Variants in ARID1B observed in about 807,000 individuals in gnomAD.
ARID1B encodes the protein AT-rich interaction domain 1B.
Under a neutral mutation model 212.3 loss-of-function variants are expected in ARID1B, and 30 were observed. That is an observed-to-expected ratio of 0.14 (90% CI 0.11 to 0.19). ARID1B has a LOEUF of 0.19. Among genes scored for constraint, ARID1B ranks in the 10% least tolerant of loss-of-function variants. The probability of loss-of-function intolerance (pLI) is 1.00; values close to 1 mark genes in which losing one functional copy is unlikely to be tolerated. For synonymous variants in ARID1B, 1,402 were observed against 1,301.7 expected, an observed-to-expected ratio of 1.08 and a Z score of -1.66; for missense variants, 2,891 against 3,204.0, an observed-to-expected ratio of 0.90 and a Z score of 2.36.
intron 4 of ARID1B, among the ~76,000 whole-genome samples, chr6:157,079,468 A>G (rs1016647034): frequency 1.3e-5 from 2 of 152,224 alleles, no homozygotes; most frequent in African/African-American, 4.8e-5. Context: ...TTCAAGGTGT[A>G]TTCATATCAC....
In ARID1B at chr6:157,148,595, G is replaced by C. The variant is rs189499250; in HGVS notation, c.2762-29G>C. The stretch of plus-strand genomic sequence containing the variant: ...ATGTTGTCACAAGTTTAAATAAAAG[G>C]CTTTACTTTGTGTTTGCTTTTTGTT... On this transcript the variant is annotated intron_variant, in intron 7 of 19. Coordinates refer to ENST00000636930, the MANE Select transcript of ARID1B (RefSeq NM_001374828.1). This position sits in a 1 kb window ranked among gnomAD's most constrained non-coding sequence, Gnocchi z 5.6. The C allele has an allele frequency of 1.2e-3, 1,847 of 1,567,592 alleles. 35 individuals are homozygous for C. The African/African-American group carries it at 0.023, about 20-fold the overall frequency.
At chr6:156,848,277 G>T (rs1402893597) in intron 2 of ARID1B, among the ~76,000 whole-genome samples, 3 of 152,150 alleles carry the variant, frequency 2.0e-5, no homozygotes, top group African/African-American at 7.2e-5. Context: ...TGTATGTGTG[G>T]CCCAGTGCCA....
At chr6:156,894,384 A>G (rs1788221950) in intron 2 of ARID1B, among the ~76,000 whole-genome samples, 1 of 152,002 alleles carries the variant, frequency 6.6e-6, no homozygotes, top group Non-Finnish European at 1.5e-5. Flanking sequence ...ATGAAATCCT[A>G]TAAAAGGATG....
intron 4 of ARID1B, among the ~76,000 whole-genome samples, chr6:157,046,381 T>C (rs1782247014): frequency 6.6e-6 from 1 of 152,182 alleles, no homozygotes; most frequent in African/African-American, 2.4e-5. Flanking sequence ...TGTCTGGCTT[T>C]GGATTAAATA....
intron 17 of ARID1B, among the ~76,000 whole-genome samples, chr6:157,199,553 C>G (rs916743964): frequency 1.1e-4 from 16 of 149,830 alleles, no homozygotes; most frequent in East Asian, 5.8e-4. Flanking sequence ...AGAACTCTTG[C>G]AAAAAATAAA....
intron 5 of ARID1B, among the ~76,000 whole-genome samples, chr6:157,090,326 G>C (rs890332487): frequency 2.0e-5 from 3 of 152,160 alleles, no homozygotes; most frequent in Non-Finnish European, 4.4e-5. Flanking sequence ...AAGCTCATCT[G>C]TTTTATTAAT....
intron 3 of ARID1B, among the ~76,000 whole-genome samples, chr6:156,910,879 A>T (rs781603911): frequency 1.3e-5 from 2 of 152,246 alleles, no homozygotes; most frequent in African/African-American, 2.4e-5. Flanking sequence ...CTTTTAAAAT[A>T]AAGTTCTTAG....
At chr6:157,039,629 C>T (rs1443147738) in intron 4 of ARID1B, among the ~76,000 whole-genome samples, 1 of 124,334 alleles carries the variant, frequency 8.0e-6, no homozygotes, top group Non-Finnish European at 1.7e-5. Flanking sequence ...TTCCTTCCTT[C>T]CTTCCTTCCT....
intron 3 of ARID1B, among the ~76,000 whole-genome samples, chr6:156,929,050 C>G (rs1219599286): frequency 6.6e-6 from 1 of 152,184 alleles, no homozygotes; most frequent in African/African-American, 2.4e-5. Context: ...TTCAGTTACT[C>G]CAGCCTAGTG....
chr6:157,106,770 G>A (rs755437239), intron 5 of ARID1B, among the ~76,000 whole-genome samples: 2 of 152,180 alleles, frequency 1.3e-5, no homozygotes, highest in Non-Finnish European at 2.9e-5. Context: ...GAGGTTACTC[G>A]AGGGTGTGTC....
chr6:156,816,445 TG>T (rs1781968287), intron 1 of ARID1B, among the ~76,000 whole-genome samples: 1 of 152,186 alleles, frequency 6.6e-6, no homozygotes. Context: ...TGTCAGAAGT[TG>T]GGGCTATAAG....
At chr6:157,019,958 G>C (rs553357595) in intron 4 of ARID1B, among the ~76,000 whole-genome samples, 1 of 152,262 alleles carries the variant, frequency 6.6e-6, no homozygotes, top group South Asian at 2.1e-4. Context: ...TCTAGAGCTA[G>C]AACCATCTGA....
chr6:156,785,479 A>AT (rs1054890928), intron 1 of ARID1B, among the ~76,000 whole-genome samples: 3 of 151,796 alleles, frequency 2.0e-5, no homozygotes, highest in South Asian at 2.1e-4. Flanking sequence ...ATAATGCTAC[A>AT]TTTTTTCTTT....
chr6:157,020,011 C>T (rs545693888), intron 4 of ARID1B, among the ~76,000 whole-genome samples: 1 of 152,080 alleles, frequency 6.6e-6, no homozygotes, highest in Non-Finnish European at 1.5e-5. Context: ...CTGCCTTTCT[C>T]TTTTAGCAAA....
At chr6:156,868,876 G>A (rs750948538) in intron 2 of ARID1B, among the ~76,000 whole-genome samples, 3 of 152,066 alleles carry the variant, frequency 2.0e-5, no homozygotes, top group Non-Finnish European at 2.9e-5. Context: ...AACACTTAAC[G>A]GTACTTTGTT....
intron 4 of ARID1B, among the ~76,000 whole-genome samples, chr6:157,063,780 A>C (rs747893646): frequency 7.2e-5 from 11 of 152,188 alleles, no homozygotes; most frequent in Non-Finnish European, 1.0e-4. Context: ...GGAGGGTTTT[A>C]GTTTTTCATG....
chr6:156,905,250 G>GCGCGCGCGCACACA (rs1554265935), intron 3 of ARID1B, among the ~76,000 whole-genome samples: 7 of 143,730 alleles, frequency 4.9e-5, no homozygotes, highest in African/African-American at 1.8e-4. Context: ...ACATATGCAC[G>GCGCGCGCGCACACA]CACACACACA....
intron 4 of ARID1B, among the ~76,000 whole-genome samples, chr6:157,005,935 C>T (rs1779229211): frequency 1.3e-5 from 2 of 152,052 alleles, no homozygotes; most frequent in African/African-American, 2.4e-5. Context: ...TATGCCATAG[C>T]GACATTGCTA....
At chr6:156,901,343 C>T (rs1788914743) in intron 2 of ARID1B, 33 bp from the exon 3 acceptor site, 3 of 1,613,646 alleles carry the variant, frequency 1.9e-6, no homozygotes, top group Non-Finnish European at 2.5e-6. Context: ...CACATTTTGA[C>T]TTTCTCATTT....
Sources: gnomAD v4.1 joint callset for allele counts (sites outside exome capture counted in the v4.1 genomes callset) on GRCh38, gnomAD v4.1.1 for gene constraint, Gnocchi (gnomAD v3.1) non-coding constraint, MANE v1.5 for transcripts, NCBI Gene and HGNC (gene_info 2026-07-23, HGNC 2026-07-21) for gene names.